SNTG1: variants seen among roughly 807,000 people sequenced by gnomAD.
SNTG1 encodes the protein gamma-1-syntrophin.
A neutral mutation model predicts 74.7 loss-of-function variants in SNTG1; 39 were observed. The observed-to-expected ratio is 0.52, with a 90% CI of 0.40 to 0.68. The LOEUF is 0.68. Ranked by LOEUF, SNTG1 falls within the 30% of genes least tolerant of loss-of-function variation. The pLI, the probability that SNTG1 is intolerant of heterozygous loss-of-function variation, is 0.00. For missense variants in SNTG1, 685 were observed against 609.5 expected (o/e 1.12, Z -1.30); for synonymous variants, 254 against 217.1 (o/e 1.17, Z -1.49).
intron 1 of SNTG1, among the ~76,000 whole-genome samples, chr8:49,951,979 A>G (rs1404394486): frequency 6.7e-6 from 1 of 148,676 alleles, no homozygotes; most frequent in African/African-American, 2.4e-5. Flanking sequence ...GAAATATATC[A>G]CCCAGAACTA....
At chr8:50,437,523 G>A (rs918568955) in intron 4 of SNTG1, among the ~76,000 whole-genome samples, 12 of 152,140 alleles carry the variant, frequency 7.9e-5, no homozygotes, top group East Asian at 1.9e-4. Context: ...CACAGTTTCC[G>A]CAGAACAAGA....
chr8:50,707,932 G>A (rs2095449032), intron 16 of SNTG1: 1 of 392,614 alleles, frequency 2.5e-6, no homozygotes, highest in African/African-American at 2.1e-5. Flanking sequence ...GCTGGGCACA[G>A]TGGCTCACGC....
At chr8:50,714,321 T>C (rs1252779393) in intron 17 of SNTG1, among the ~76,000 whole-genome samples, 1 of 152,036 alleles carries the variant, frequency 6.6e-6, no homozygotes, top group Non-Finnish European at 1.5e-5. Context: ...CTATATGGGC[T>C]CTTTTTTGGT....
chr8:50,067,192 T>C (rs1820971570), intron 1 of SNTG1, among the ~76,000 whole-genome samples: 1 of 152,238 alleles, frequency 6.6e-6, no homozygotes, highest in Non-Finnish European at 1.5e-5. Context: ...TACTTTTCTG[T>C]GCAAGCAATT....
intron 8 of SNTG1, among the ~76,000 whole-genome samples, chr8:50,452,665 G>A (rs190824815): frequency 4.1e-4 from 62 of 152,288 alleles, no homozygotes; most frequent in African/African-American, 1.5e-3. Context: ...ATTTGGGATT[G>A]TATTGCAAAT....
intron 2 of SNTG1, among the ~76,000 whole-genome samples, chr8:50,240,845 A>AT (rs2086133707): frequency 6.6e-6 from 1 of 152,230 alleles, no homozygotes; most frequent in Non-Finnish European, 1.5e-5. Flanking sequence ...AGTTTCTAAA[A>AT]TAGAGGTATT....
chr8:50,326,825 T>A (rs1287080269), intron 2 of SNTG1, among the ~76,000 whole-genome samples: 2 of 152,068 alleles, frequency 1.3e-5, no homozygotes, highest in Non-Finnish European at 2.9e-5. Context: ...ATGCAGTATA[T>A]GTCCTAAATT....
At chr8:50,270,670 T>G (rs1250844785) in intron 2 of SNTG1, among the ~76,000 whole-genome samples, 7 of 152,328 alleles carry the variant, frequency 4.6e-5, no homozygotes, top group Middle Eastern at 3.4e-3. Flanking sequence ...TGTCATTGCT[T>G]TGCATAGTAC....
intron 12 of SNTG1, among the ~76,000 whole-genome samples, chr8:50,562,355 A>G (rs1434044256): frequency 1.3e-5 from 2 of 152,222 alleles, no homozygotes; most frequent in African/African-American, 4.8e-5. Context: ...GTGATTCTCT[A>G]CAAGTGTAAG....
chr8:50,790,925 G>C (rs2095689038), intron 18 of SNTG1, among the ~76,000 whole-genome samples: 1 of 151,702 alleles, frequency 6.6e-6, no homozygotes, highest in South Asian at 2.1e-4. Context: ...TTACCTTTGA[G>C]AAAAAGTTAT....
At chr8:50,511,356 T>A (rs1585520999) in intron 9 of SNTG1, among the ~76,000 whole-genome samples, 1 of 152,308 alleles carries the variant, frequency 6.6e-6, no homozygotes, top group Middle Eastern at 3.4e-3. Context: ...AATTTTGGAA[T>A]AGGTGTGGTG....
At chr8:50,734,727 A>C (rs1471023045) in intron 17 of SNTG1, among the ~76,000 whole-genome samples, 4 of 88,922 alleles carry the variant, frequency 4.5e-5, no homozygotes, top group African/African-American at 1.4e-4. Context: ...GACATTATAT[A>C]TCTATATATA....
At chr8:50,729,068 A>C (rs1394697178) in intron 17 of SNTG1, among the ~76,000 whole-genome samples, 1 of 152,160 alleles carries the variant, frequency 6.6e-6, no homozygotes, top group Non-Finnish European at 1.5e-5. Context: ...GTTCTATCTT[A>C]GGTCACCATA....
chr8:50,691,933 A>G (rs1457968182), intron 15 of SNTG1, among the ~76,000 whole-genome samples: 2 of 152,082 alleles, frequency 1.3e-5, no homozygotes, highest in Non-Finnish European at 2.9e-5. Flanking sequence ...TGTTTCTTGG[A>G]GGCTTTGTTC....
intron 17 of SNTG1, among the ~76,000 whole-genome samples, chr8:50,747,586 T>C (rs1215827332): frequency 6.6e-6 from 1 of 152,070 alleles, no homozygotes; most frequent in Non-Finnish European, 1.5e-5. Context: ...TCTATTATTT[T>C]ATATAATCTC....
At chr8:50,753,223 T>C (rs1030366760) in intron 18 of SNTG1, among the ~76,000 whole-genome samples, 2 of 152,012 alleles carry the variant, frequency 1.3e-5, no homozygotes, top group Non-Finnish European at 2.9e-5. Context: ...TACCTCTCGC[T>C]ACTGCTCCTC....
intron 2 of SNTG1, among the ~76,000 whole-genome samples, chr8:50,350,968 G>A (rs567928150): frequency 5.9e-5 from 9 of 152,230 alleles, no homozygotes; most frequent in South Asian, 2.1e-4. Context: ...TTGTTCTTTC[G>A]CTCTTTGCAA....
At chr8:50,590,737 G>A (rs2094686149) in intron 12 of SNTG1, 142 bp from the exon 13 acceptor site, 2 of 512,146 alleles carry the variant, frequency 3.9e-6, no homozygotes, top group African/African-American at 2.0e-5. Context: ...TATATATGTT[G>A]TTTTATATGT....
At chr8:50,356,028 A>G (rs922851849) in intron 2 of SNTG1, among the ~76,000 whole-genome samples, 5 of 151,344 alleles carry the variant, frequency 3.3e-5, no homozygotes, top group Non-Finnish European at 5.9e-5. Context: ...CAAATCCTGT[A>G]CTTCCTTTTT....
Sources: gnomAD v4.1 joint callset for allele counts (sites outside exome capture counted in the v4.1 genomes callset) on GRCh38, gnomAD v4.1.1 for gene constraint, MANE v1.5 for transcripts, NCBI Gene and HGNC (gene_info 2026-07-23, HGNC 2026-07-21) for gene names.